Variants in SP2 observed in about 807,000 individuals in gnomAD.
The protein encoded by SP2 is Sp2 transcription factor, also known as transcription factor Sp2.
Under a neutral mutation model 50.1 loss-of-function variants are expected in SP2, and 9 were observed. That is an observed-to-expected ratio of 0.18 (90% CI 0.11 to 0.31). The LOEUF is 0.31. Among genes scored for constraint, SP2 ranks in the 10% least tolerant of loss-of-function variants. SP2 has a pLI of 1.00. For missense variants in SP2, 581 were observed against 806.5 expected (o/e 0.72, Z 3.39); for synonymous variants, 313 against 326.6 (o/e 0.96, Z 0.45).
chr17:47,917,939 G>A (rs149587351), intron 3 of SP2: 195 of 246,862 alleles, frequency 7.9e-4, no homozygotes, highest in African/African-American at 4.1e-3. Flanking sequence ...TGCCCATGTT[G>A]CAGATGGATA....
chr17:47,905,921 T>C (rs1035532089), intron 1 of SP2, among the ~76,000 whole-genome samples: 3 of 152,070 alleles, frequency 2.0e-5, no homozygotes, highest in Non-Finnish European at 4.4e-5. Context: ...GTGTTTTAAT[T>C]CCAGAAATGA....
chr17:47,904,473 T>C (rs189873611), intron 1 of SP2, among the ~76,000 whole-genome samples: 2 of 152,030 alleles, frequency 1.3e-5, no homozygotes, highest in African/African-American at 2.4e-5. Flanking sequence ...GGAGACATAA[T>C]GGATCTTAGC....
At chr17:47,918,856 A>G (rs2035319059) in intron 3 of SP2, among the ~76,000 whole-genome samples, 1 of 152,228 alleles carries the variant, frequency 6.6e-6, no homozygotes, top group Non-Finnish European at 1.5e-5. Context: ...AATAAAGTTT[A>G]ATTGGAGTGC....
intron 2 of SP2, among the ~76,000 whole-genome samples, chr17:47,915,900 G>A (rs1194641611): frequency 6.6e-6 from 1 of 152,122 alleles, no homozygotes; most frequent in Non-Finnish European, 1.5e-5. Context: ...CGTGCTGTTA[G>A]TTTACCCTGT....
chr17:47,926,309 C>CTT (rs1322377605), intron 6 of SP2, among the ~76,000 whole-genome samples: 3 of 127,746 alleles, frequency 2.3e-5, no homozygotes, highest in African/African-American at 9.2e-5. Context: ...CCTGCCATGG[C>CTT]TTTTTGTTTT....
chr17:47,907,155 G>A (rs900494478), intron 1 of SP2, among the ~76,000 whole-genome samples: 2 of 152,052 alleles, frequency 1.3e-5, no homozygotes, highest in East Asian at 1.9e-4. Context: ...TAATGCTGCC[G>A]GGAAATGAGT....
chr17:47,916,862 A>G lies in SP2; in HGVS notation c.791A>G (p.Gln264Arg). The G allele has an allele frequency of 3.1e-6, 5 of 1,614,196 alleles. No homozygotes were observed. Among genetic ancestry groups the G allele is most frequent in the Non-Finnish European group, 1.7e-6 (2 of 1,180,028 alleles). The part of the protein sequence containing the change: ...ASQPPVAVAE[Q>R]VETVLIETTA... ...CAGCCCCCTGTGGCTGTGGCTGAGC[A>G]GGTGGAGACGGTGCTGATCGAGACC... Residue 264 changes from glutamine to arginine, a missense_variant, in exon 3 of 7, where the codon CAG (glutamine) becomes CGG (arginine). Gln to Arg is a conservative substitution (Grantham distance 43). Transcript: ENST00000376741. This position sits in a 1 kb window ranked among gnomAD's most constrained non-coding sequence, Gnocchi z 4.7.
intron 1 of SP2, among the ~76,000 whole-genome samples, chr17:47,906,107 C>A (rs766585645): frequency 6.6e-6 from 1 of 152,142 alleles, no homozygotes; most frequent in Admixed American, 6.5e-5. Context: ...AGCCTTCTAA[C>A]CAAATTGTGG....
At chr17:47,913,787 A>C (rs1274331607) in intron 1 of SP2, among the ~76,000 whole-genome samples, 1 of 152,200 alleles carries the variant, frequency 6.6e-6, no homozygotes, top group Non-Finnish European at 1.5e-5. Context: ...TAAGAAAAAA[A>C]GTACAGTAGA....
rs1268198167 is a variant in SP2, at chr17:47,925,421, T to C, written c.1621T>C (p.Leu541=). 1 of 1,614,132 alleles carries C rather than the reference T, an allele frequency of 6.2e-7. No individual in the cohort carries two copies. Among genetic ancestry groups the C allele is most frequent in the African/African-American group, 1.3e-5 (1 of 74,962 alleles). The change falls in exon 6 of 7, where the codon TTG becomes CTG. Residue 541 remains leucine (L), a synonymous_variant. Transcript: ENST00000376741. ...TGGCAAGACGTTCCGTAAGACGTCC[T>C]TGCTGCGTGCCCATGTGCGCCTGCA... is the stretch of plus-strand genomic sequence containing the variant. ...DCGKTFRKTS[L]LRAHVRLHTG...
downstream of SP2, among the ~76,000 whole-genome samples, chr17:47,930,523 C>T (rs1316498659): frequency 6.6e-6 from 1 of 152,206 alleles, no homozygotes; most frequent in Non-Finnish European, 1.5e-5. Context: ...ATCATCTCTG[C>T]CTCCCTTGGG....
intron 3 of SP2, 51 bp downstream of exon 3, chr17:47,917,181 T>C (rs1337671604): frequency 1.3e-6 from 2 of 1,522,196 alleles, no homozygotes; most frequent in Admixed American, 2.0e-5. Context: ...TTATCTCTTT[T>C]TGGCTTGCTT....
At position 47,928,021 on chromosome 17, in the gene SP2, C is replaced by T. The variant is rs2035716822; in HGVS notation, c.*197C>T. ...GCCCCTTGGCTCTGCCTTGGCCCTT[C>T]CCCTCACCACGAGCTCCCGGCCTGC... On this transcript the variant is annotated 3_prime_UTR_variant, in exon 7 of 7. Transcript: ENST00000376741. The T allele has an allele frequency of 1.8e-6, 1 of 559,264 alleles. No individual in the cohort carries two copies. The highest frequency in any genetic ancestry group is 3.1e-5 in the Admixed American group (1 of 32,106). 34.6% of individuals were successfully genotyped at this position (559,264 alleles called of 1,614,324 possible). A position where few individuals can be genotyped will look rare whatever the true frequency, so the allele number is the denominator to read the frequency against.
Position 47,916,035 on chromosome 17 carries a change from GC to G in SP2, c.85-119del. On this transcript the variant is annotated intron_variant, in intron 2 of 6. Coordinates refer to ENST00000376741, the MANE Select transcript of SP2 (RefSeq NM_003110.6). This position sits in a 1 kb window ranked among gnomAD's most constrained non-coding sequence, Gnocchi z 4.7. ...AAGCAGGGGAGGGTACTGGCAACAT[GC>G]CTGCCCCGGAGGTGGGGAAGACTGG... 2 of 1,206,156 alleles carry G rather than the reference GC, an allele frequency of 1.7e-6. No individual in the cohort carries two copies. Among genetic ancestry groups the G allele is most frequent in the Admixed American group, 2.2e-5 (1 of 44,556 alleles). The allele number at this position is 1,206,156 out of a possible 1,614,324, so 74.7% of individuals were successfully genotyped here.
intron 1 of SP2, chr17:47,909,660 AC>A (rs571842277): frequency 1.0e-6 from 1 of 973,630 alleles, no homozygotes; most frequent in Admixed American, 6.1e-5. Flanking sequence ...CCTTTGTTTT[AC>A]AGAGGGCACT....
In SP2 at chr17:47,915,391, G is replaced by A. The variant is rs777860828; in HGVS notation, c.84+3G>A. 4.3e-5 allele frequency: 70 copies of A among 1,610,098 alleles called. No individual in the cohort carries two copies. Among genetic ancestry groups the A allele is most frequent in the African/African-American group, 2.3e-4 (17 of 74,704 alleles). On this transcript the variant is annotated splice_donor_region_variant and intron_variant, in intron 2 of 6. Transcript: ENST00000376741. ...AGCCTGCCGCCTCCACCACCCAGGCGAGTAGGCAGTGGGCTCCGAGGGCTT... is the reference window on the plus strand; with the variant it reads ...AGCCTGCCGCCTCCACCACCCAGGCAAGTAGGCAGTGGGCTCCGAGGGCTT...
At chr17:47,917,701 A>G in intron 3 of SP2, 1 of 370,916 alleles carries the variant, frequency 2.7e-6, no homozygotes, top group Non-Finnish European at 5.4e-6. Context: ...TACAGTCTTA[A>G]TCTCCTGGGC....
Position 47,928,022 on chromosome 17 carries a change from C to T in SP2, c.*198C>T. On this transcript the variant is annotated 3_prime_UTR_variant, in exon 7 of 7. Transcript: ENST00000376741. ...CCCCTTGGCTCTGCCTTGGCCCTTC[C>T]CCTCACCACGAGCTCCCGGCCTGCC... The T allele has an allele frequency of 1.8e-6, 1 of 561,054 alleles. No homozygotes were observed. The allele number at this position is 561,054 out of a possible 1,614,324, so 34.8% of individuals were successfully genotyped here. A position where few individuals can be genotyped will look rare whatever the true frequency, so the allele number is the denominator to read the frequency against.
In SP2 at chr17:47,916,434, C is replaced by T. The variant is rs1191146447; in HGVS notation, c.363C>T (p.Asn121=). 1.2e-6 allele frequency: 2 copies of T among 1,614,032 alleles called. No homozygotes were observed. Among genetic ancestry groups the T allele is most frequent in the Non-Finnish European group, 1.7e-6 (2 of 1,180,028 alleles). The change falls in exon 3 of 7, where the codon AAC becomes AAT. Residue 121 remains asparagine, a synonymous_variant. Transcript: ENST00000376741. The surrounding 1 kb of genome is among the most constrained non-coding windows in gnomAD (Gnocchi z 4.7). The part of the protein sequence containing the change: ...VFAIQNPTMI[N]KGTRSNANIQ... ...CTATCCAGAATCCCACCATGATCAA[C>T]AAAGGGACCCGATCAAATGCCAATA... is the stretch of plus-strand genomic sequence containing the variant.
Sources: gnomAD v4.1 joint callset for allele counts (sites outside exome capture counted in the v4.1 genomes callset) on GRCh38, gnomAD v4.1.1 for gene constraint, Gnocchi (gnomAD v3.1) non-coding constraint, MANE v1.5 for transcripts, NCBI Gene and HGNC (gene_info 2026-07-23, HGNC 2026-07-21) for gene names.